The following NTNG1 variants were observed in gnomAD, a reference collection of about 807,000 sequenced individuals.
NTNG1 encodes netrin-G1.
NTNG1 carries 16 observed loss-of-function variants against 54.0 expected under a neutral mutation model. That is an observed-to-expected ratio of 0.30 (90% confidence interval 0.20 to 0.45). The LOEUF (loss-of-function observed/expected upper bound fraction) is 0.45, where lower values mean the gene tolerates loss of function less well. Ranked by LOEUF, NTNG1 falls within the 20% of genes least tolerant of loss-of-function variation. NTNG1 has a pLI of 1.00. For missense variants in NTNG1, 530 were observed against 678.7 expected (o/e 0.78, Z 2.43); for synonymous variants, 255 against 263.1 (o/e 0.97, Z 0.30).
intron 2 of NTNG1, among the ~76,000 whole-genome samples, chr1:107,226,395 C>A (rs1451197569): frequency 6.6e-6 from 1 of 152,046 alleles, no homozygotes; most frequent in Non-Finnish European, 1.5e-5. Context: ...TGTTCATGTT[C>A]CTTTTTTCCC....
chr1:107,324,795 A>G lies in NTNG1; in HGVS notation c.760A>G (p.Arg254Gly). 6.2e-7 allele frequency: 1 copy of G among 1,613,636 alleles called. No individual in the cohort carries two copies. Among genetic ancestry groups the G allele is most frequent in the East Asian group, 2.2e-5 (1 of 44,838 alleles). The change falls in exon 3 of 8, where the codon AGA becomes GGA. Residue 254 changes from arginine to glycine, a missense_variant. This residue lies in a region of NTNG1 where 318 missense variants were observed against 465.1 expected (regional missense o/e 0.68). Coordinates refer to ENST00000370068, the MANE Select transcript of NTNG1 (RefSeq NM_001113226.3). ...YGQLDTTKKL[R>G]DFFTVTDLRI... Reference sequence around the variant, plus strand: ...ACAGCTGGATACAACCAAGAAACTCAGAGATTTCTTTACAGTCACAGACCT... The same window carrying G: ...ACAGCTGGATACAACCAAGAAACTCGGAGATTTCTTTACAGTCACAGACCT...
At chr1:107,296,340 G>A (rs754133358) in intron 2 of NTNG1, among the ~76,000 whole-genome samples, 29 of 152,020 alleles carry the variant, frequency 1.9e-4, no homozygotes, top group Admixed American at 8.5e-4. Context: ...GGACCTAGAG[G>A]ACAAGTTTTA....
chr1:107,386,301 C>T lies in NTNG1; in HGVS notation c.888-8853C>T, dbSNP rs138486068. ...TCTTCTGTCTCAGCCCTCTGAGTAG[C>T]TGGGATTACAGGCGCCCGCCACCAG... On this transcript the variant is annotated intron_variant, in intron 3 of 7. Transcript: ENST00000370068. Among the ~76,000 whole-genome samples the T allele has an allele frequency of 5.8e-3, 883 of 151,854 alleles. 10 individuals are homozygous for T. Among genetic ancestry groups the T allele is most frequent in the African/African-American group, 0.02 (837 of 41,398 alleles).
chr1:107,402,479 C>T (rs1163309182), intron 4 of NTNG1, among the ~76,000 whole-genome samples: 1 of 152,122 alleles, frequency 6.6e-6, no homozygotes, highest in Non-Finnish European at 1.5e-5. Context: ...GATATGCTAA[C>T]ATGGTAAGTC....
At position 107,224,216 on chromosome 1, in the gene NTNG1, A is replaced by G. The variant is rs117010100; in HGVS notation, c.246+75377A>G. Among the ~76,000 whole-genome samples the G allele has an allele frequency of 2.0e-4, 31 of 152,288 alleles. No homozygotes were observed. In the East Asian group the frequency reaches 3.7e-3, roughly 18 times the overall value. ...ATTGGTATCATGCAAGGAAAAGCAC[A>G]TATGTATTCATTACTAAGGTGCTCC... On this transcript the variant is annotated intron_variant, in intron 2 of 7. Coordinates refer to ENST00000370068, the MANE Select transcript of NTNG1 (RefSeq NM_001113226.3).
At chr1:107,185,035 C>T (rs961115512) in intron 2 of NTNG1, among the ~76,000 whole-genome samples, 4 of 152,142 alleles carry the variant, frequency 2.6e-5, no homozygotes, top group Admixed American at 2.6e-4. Flanking sequence ...CAGTTGGAAC[C>T]TCACTGAGGC....
intron 2 of NTNG1, among the ~76,000 whole-genome samples, chr1:107,200,228 C>A (rs1340256138): frequency 6.6e-6 from 1 of 151,822 alleles, no homozygotes; most frequent in Non-Finnish European, 1.5e-5. Flanking sequence ...CATAAACATT[C>A]TTTTGGTCAT....
At chr1:107,415,198 T>C (rs928376217) in intron 5 of NTNG1, among the ~76,000 whole-genome samples, 1 of 152,060 alleles carries the variant, frequency 6.6e-6, no homozygotes, top group Non-Finnish European at 1.5e-5. Flanking sequence ...TCTTGAATGA[T>C]TTGCCATTTA....
At chr1:107,418,509 T>C in intron 5 of NTNG1, 2 of 1,047,866 alleles carry the variant, frequency 1.9e-6, no homozygotes. Flanking sequence ...TTTATCCATA[T>C]AATTTTCTGT....
chr1:107,474,837 C>T (rs974892183), intron 7 of NTNG1, among the ~76,000 whole-genome samples: 15 of 152,176 alleles, frequency 9.9e-5, no homozygotes, highest in African/African-American at 3.6e-4. Flanking sequence ...ATGAGCTAAA[C>T]ACTTCTTAAA....
chr1:107,351,023 T>A (rs1002258738), intron 3 of NTNG1, among the ~76,000 whole-genome samples: 1 of 152,222 alleles, frequency 6.6e-6, no homozygotes, highest in African/African-American at 2.4e-5. Flanking sequence ...TATGTGAGGT[T>A]ATGGTTGTGT....
chr1:107,152,149 T>C (rs1357576861), intron 2 of NTNG1, among the ~76,000 whole-genome samples: 5 of 152,146 alleles, frequency 3.3e-5, no homozygotes, highest in African/African-American at 9.7e-5. Flanking sequence ...TAATTTGATA[T>C]ATTCCTTTTG....
chr1:107,215,517 C>T (rs1177267825), intron 2 of NTNG1, among the ~76,000 whole-genome samples: 1 of 152,130 alleles, frequency 6.6e-6, no homozygotes, highest in Non-Finnish European at 1.5e-5. Context: ...CAGTACCATG[C>T]TGTTTTGATG....
intron 2 of NTNG1, among the ~76,000 whole-genome samples, chr1:107,156,064 A>G (rs919471472): frequency 1.3e-5 from 2 of 152,204 alleles, no homozygotes; most frequent in South Asian, 2.1e-4. Context: ...TGATGTTCAC[A>G]TAACAACAAG....
chr1:107,277,767 G>GAACATGTA (rs1267351516), intron 2 of NTNG1, among the ~76,000 whole-genome samples: 4 of 152,146 alleles, frequency 2.6e-5, no homozygotes, highest in African/African-American at 9.7e-5. Flanking sequence ...TTGTGAGAAA[G>GAACATGTA]AACATGTAAG....
chr1:107,230,298 G>A (rs189434880), intron 2 of NTNG1, among the ~76,000 whole-genome samples: 26 of 152,280 alleles, frequency 1.7e-4, no homozygotes, highest in Admixed American at 4.6e-4. Context: ...GTATGCGGGT[G>A]GGGGAAAAGA....
At chr1:107,370,240 TA>T (rs35235511) in intron 3 of NTNG1, among the ~76,000 whole-genome samples, 16,942 of 125,538 alleles carry the variant, frequency 0.13, 994 homozygotes, top group South Asian at 0.21. Flanking sequence ...GTCAATTTCT[TA>T]AAAAAAAAAA....
rs1238893880 is a variant in NTNG1 at position 107,484,252 on chromosome 1, G to A, written c.*3412G>A. Among the ~76,000 whole-genome samples, 1 of 152,154 alleles carries A rather than the reference G, an allele frequency of 6.6e-6. No homozygotes were observed. Among genetic ancestry groups the A allele is most frequent in the African/African-American group, 2.4e-5 (1 of 41,412 alleles). ...CTTGCCATGAAAACAAGAGTCCAGG[G>A]CTGAAAAATAAAGGGATGAGGGGTA... is the stretch of plus-strand genomic sequence containing the variant. On this transcript the variant is annotated 3_prime_UTR_variant, in exon 8 of 8. Transcript: ENST00000370068.
At chr1:107,404,593 T>C (rs1442967864) in intron 4 of NTNG1, among the ~76,000 whole-genome samples, 1 of 152,130 alleles carries the variant, frequency 6.6e-6, no homozygotes, top group East Asian at 1.9e-4. Flanking sequence ...CCAATATACA[T>C]TGAGCAACTC....
Sources: gnomAD v4.1 joint callset for allele counts (sites outside exome capture counted in the v4.1 genomes callset) on GRCh38, gnomAD v4.1.1 for gene constraint, gnomAD v4.1.1 regional missense constraint, MANE v1.5 for transcripts, NCBI Gene and HGNC (gene_info 2026-07-23, HGNC 2026-07-21) for gene names.